The following SEPTIN9 variants were observed in gnomAD, a reference collection of about 807,000 sequenced individuals.
SEPTIN9 encodes septin 9, also known as septin-9.
A neutral mutation model predicts 56.6 loss-of-function variants in SEPTIN9; 13 were observed. That is an observed-to-expected ratio of 0.23 (90% CI 0.15 to 0.37). The LOEUF (loss-of-function observed/expected upper bound fraction) is 0.37, where lower values mean the gene tolerates loss of function less well. Among genes scored for constraint, SEPTIN9 ranks in the 10% least tolerant of loss-of-function variants. The pLI, the probability that SEPTIN9 is intolerant of heterozygous loss-of-function variation, is 1.00. For missense variants in SEPTIN9, 650 were observed against 823.1 expected, an observed-to-expected ratio of 0.79 and a Z score of 2.57; for synonymous variants, 332 against 334.1, an observed-to-expected ratio of 0.99 and a Z score of 0.07.
chr17:77,309,066 G>A (rs958326101), intron 2 of SEPTIN9, among the ~76,000 whole-genome samples: 1 of 152,236 alleles, frequency 6.6e-6, no homozygotes, highest in African/African-American at 2.4e-5. Flanking sequence ...CTCCGGCTCC[G>A]CATCTGATCT....
intron 2 of SEPTIN9, among the ~76,000 whole-genome samples, chr17:77,391,210 A>T (rs968845022): frequency 2.0e-5 from 3 of 152,262 alleles, no homozygotes; most frequent in Admixed American, 1.3e-4. Flanking sequence ...TTGACGGGAC[A>T]CTGAGGGAGT....
chr17:77,300,729 C>T (rs1448399248), intron 1 of SEPTIN9, among the ~76,000 whole-genome samples: 32 of 97,434 alleles, frequency 3.3e-4, no homozygotes, highest in East Asian at 6.9e-4. Flanking sequence ...AGGCTCAAAC[C>T]GCCCCCATCC....
intron 2 of SEPTIN9, chr17:77,377,223 G>A (rs1004937946): frequency 3.9e-5 from 6 of 152,066 alleles, no homozygotes; most frequent in Non-Finnish European, 7.3e-5. Context: ...GTACAAACGG[G>A]CCTCCAGGCG....
At chr17:77,386,725 A>G (rs943297921) in intron 2 of SEPTIN9, among the ~76,000 whole-genome samples, 1 of 152,156 alleles carries the variant, frequency 6.6e-6, no homozygotes, top group Non-Finnish European at 1.5e-5. Flanking sequence ...GGCTGGGGGA[A>G]AGATCGGGGA....
At chr17:77,462,470 G>A (rs1389943260) in intron 3 of SEPTIN9, among the ~76,000 whole-genome samples, 1 of 152,162 alleles carries the variant, frequency 6.6e-6, no homozygotes, top group African/African-American at 2.4e-5. Flanking sequence ...TTTTTGTAGA[G>A]ACAGGGTCCC....
intron 2 of SEPTIN9, among the ~76,000 whole-genome samples, chr17:77,390,248 G>A (rs1202051234): frequency 1.3e-5 from 2 of 150,502 alleles, no homozygotes; most frequent in South Asian, 4.2e-4. Context: ...TCGGGAGGCG[G>A]AGGCAGGAGA....
chr17:77,373,033 TCCACATCCGC>T (rs1351575241), intron 2 of SEPTIN9, among the ~76,000 whole-genome samples: 4 of 151,620 alleles, frequency 2.6e-5, no homozygotes, highest in Non-Finnish European at 5.9e-5. Flanking sequence ...TGGCCCGGCC[TCCACATCCGC>T]CCACATCTGG....
chr17:77,378,912 G>A (rs893627870), intron 2 of SEPTIN9, among the ~76,000 whole-genome samples: 1 of 151,928 alleles, frequency 6.6e-6, no homozygotes, highest in African/African-American at 2.4e-5. Context: ...CGCTGACAAT[G>A]AGGTGAGCAC....
chr17:77,364,122 C>T (rs1316170938), intron 2 of SEPTIN9, among the ~76,000 whole-genome samples: 1 of 152,148 alleles, frequency 6.6e-6, no homozygotes, highest in Non-Finnish European at 1.5e-5. Flanking sequence ...CAGAGACACT[C>T]AGGGTGGGGA....
intron 2 of SEPTIN9, among the ~76,000 whole-genome samples, chr17:77,325,900 C>G (rs1438275867): frequency 6.6e-6 from 1 of 152,158 alleles, no homozygotes; most frequent in East Asian, 1.9e-4. Flanking sequence ...GTGACCAACT[C>G]AGCAGCTGAT....
intron 2 of SEPTIN9, among the ~76,000 whole-genome samples, chr17:77,383,081 C>T (rs1201103694): frequency 1.3e-5 from 2 of 152,076 alleles, no homozygotes; most frequent in Non-Finnish European, 2.9e-5. Context: ...AATGATGAAG[C>T]AGGCTCCTGC....
chr17:77,358,344 G>A (rs1174068394), intron 2 of SEPTIN9, among the ~76,000 whole-genome samples: 1 of 152,212 alleles, frequency 6.6e-6, no homozygotes, highest in Non-Finnish European at 1.5e-5. Flanking sequence ...AAACTGGCTA[G>A]GCACGGTGGC....
intron 2 of SEPTIN9, among the ~76,000 whole-genome samples, chr17:77,316,578 G>T (rs1010393707): frequency 5.3e-5 from 8 of 152,192 alleles, no homozygotes; most frequent in Non-Finnish European, 5.9e-5. Context: ...ACTCGGGGCT[G>T]TTCCCAAGTT....
At chr17:77,378,467 C>T (rs2035013145) in intron 2 of SEPTIN9, among the ~76,000 whole-genome samples, 1 of 152,164 alleles carries the variant, frequency 6.6e-6, no homozygotes, top group African/African-American at 2.4e-5. Context: ...GGTCCTGCCT[C>T]CTACGGGTGT....
At chr17:77,465,846 T>G (rs2038694783) in intron 3 of SEPTIN9, among the ~76,000 whole-genome samples, 1 of 151,832 alleles carries the variant, frequency 6.6e-6, no homozygotes, top group South Asian at 2.1e-4. Context: ...AGGGTGAGTT[T>G]GGTGTAACTC....
chr17:77,491,987 C>T (rs949375357), intron 8 of SEPTIN9, among the ~76,000 whole-genome samples: 1 of 151,852 alleles, frequency 6.6e-6, no homozygotes, highest in African/African-American at 2.4e-5. Flanking sequence ...AAAATGAAAC[C>T]GAGGTGCCTG....
rs1434770876 is a variant in SEPTIN9, at chr17:77,449,608, G to A, written c.722-32536G>A. ...ACGGGGCAGGGGCGTGGTGGGAGCTGCATCCTCGAGGCTTTCTGTTGACCC... is the reference window on the plus strand; with the variant it reads ...ACGGGGCAGGGGCGTGGTGGGAGCTACATCCTCGAGGCTTTCTGTTGACCC... On this transcript the variant is annotated intron_variant, in intron 3 of 11. Transcript: ENST00000427177. This position sits in a 1 kb window ranked among gnomAD's most constrained non-coding sequence, Gnocchi z 4.6. Among the ~76,000 whole-genome samples the A allele has an allele frequency of 1.3e-5, 2 of 152,226 alleles. No individual in the cohort carries two copies. The highest frequency in any genetic ancestry group is 2.4e-5 in the African/African-American group (1 of 41,458).
In SEPTIN9 at chr17:77,330,028, C is replaced by T. The variant is rs1250936804; in HGVS notation, c.76+22831C>T. ...CCCCGCTCCATCCCCAGCTGGGGCTCCCTGTGCTCACCTTCTGCTTCCTTC... is the reference window on the plus strand; with the variant it reads ...CCCCGCTCCATCCCCAGCTGGGGCTTCCTGTGCTCACCTTCTGCTTCCTTC... On this transcript the variant is annotated intron_variant, in intron 2 of 11. Transcript: ENST00000427177. The surrounding 1 kb of genome is among the most constrained non-coding windows in gnomAD (Gnocchi z 4.4). Among the ~76,000 whole-genome samples the T allele has an allele frequency of 1.3e-5, 2 of 152,204 alleles. No homozygotes were observed. Among genetic ancestry groups the T allele is most frequent in the African/African-American group, 2.4e-5 (1 of 41,452 alleles).
At chr17:77,399,824 C>T (rs2035843883) in intron 2 of SEPTIN9, among the ~76,000 whole-genome samples, 1 of 152,144 alleles carries the variant, frequency 6.6e-6, no homozygotes, top group Non-Finnish European at 1.5e-5. Context: ...CAGAGGGACA[C>T]CATGTCGGGA....
Sources: gnomAD v4.1 joint callset for allele counts (sites outside exome capture counted in the v4.1 genomes callset) on GRCh38, gnomAD v4.1.1 for gene constraint, Gnocchi (gnomAD v3.1) non-coding constraint, MANE v1.5 for transcripts, NCBI Gene and HGNC (gene_info 2026-07-23, HGNC 2026-07-21) for gene names.